AVEN: variants seen among roughly 807,000 people sequenced by gnomAD.
The protein encoded by AVEN is apoptosis and caspase activation inhibitor.
Under a neutral mutation model 38.1 loss-of-function variants are expected in AVEN, and 41 were observed. The ratio of observed to expected loss-of-function variants is 1.08; its 90% confidence interval spans 0.84 to 1.40. The LOEUF (loss-of-function observed/expected upper bound fraction) is 1.40. Among genes scored for constraint, AVEN ranks in the 40% most tolerant of loss-of-function variants. AVEN has a pLI of 0.00. For synonymous variants in AVEN, 206 were observed against 171.8 expected (o/e 1.20, Z -1.56); for missense variants, 605 against 438.8 (o/e 1.38, Z -3.38).
At position 34,038,968 on chromosome 15, in the gene AVEN, C is replaced by A. The variant is rs1899322257; in HGVS notation, c.79G>T (p.Glu27Ter). Reference sequence around the variant, plus strand: ...ACCGCCGCTGCGGCTCCGGGCCGCTCGCTGTGGCGATCTCCGCCAGGCCGG... The same window carrying A: ...ACCGCCGCTGCGGCTCCGGGCCGCTAGCTGTGGCGATCTCCGCCAGGCCGG... The part of the protein sequence containing the change: ...RGRPGGDRHS[E>*]RPGAAAAVAR... The change falls in exon 1 of 6, where the codon GAG becomes TAG. Residue 27 changes from glutamate (E) to a stop codon, truncating the protein, a stop_gained. Transcript: ENST00000306730. LOFTEE classifies it high-confidence loss of function. The A allele has an allele frequency of 1.8e-6, 2 of 1,110,180 alleles. No individual in the cohort carries two copies. The highest frequency in any genetic ancestry group is 2.2e-6 in the Non-Finnish European group (2 of 913,598). The allele number at this position is 1,110,180 out of a possible 1,614,324, so 68.8% of individuals were successfully genotyped here.
rs531727980 is a variant in AVEN at position 34,049,592 on chromosome 15, C to T, written n.1637+13330G>A. On this transcript the variant is annotated intron_variant and non_coding_transcript_variant, in intron 5 of 11. Transcript: ENST00000675287. ...CTGAAAGAGACAGGGAGAATGGAAC[C>T]GAGTTGGAAAACATACTTCAGGATA... Among the ~76,000 whole-genome samples, 4 of 152,140 alleles carry T rather than the reference C, an allele frequency of 2.6e-5. No homozygotes were observed. The East Asian group carries it at 5.8e-4, about 22-fold the overall frequency.
chr15:33,863,095 C>T (rs1889041228), downstream of AVEN, among the ~76,000 whole-genome samples: 1 of 152,192 alleles, frequency 6.6e-6, no homozygotes, highest in African/African-American at 2.4e-5. Flanking sequence ...GGAACCCCTT[C>T]TGTGCCTTCC....
At chr15:33,860,488 A>G in intron 11 of AVEN, 1 of 629,592 alleles carries the variant, frequency 1.6e-6, no homozygotes, top group Admixed American at 3.3e-5. Flanking sequence ...TTTTGCTTTG[A>G]TAATTCACTT....
intron 2 of AVEN, among the ~76,000 whole-genome samples, chr15:33,946,277 A>G (rs1894505227): frequency 6.6e-6 from 1 of 152,204 alleles, no homozygotes; most frequent in African/African-American, 2.4e-5. Context: ...GAACCTTAGA[A>G]AAACAGCCCA....
At chr15:34,017,497 T>TTTTTTTTTTTTTTTTTTG (rs1555516619) in intron 1 of AVEN, among the ~76,000 whole-genome samples, 1 of 133,364 alleles carries the variant, frequency 7.5e-6, no homozygotes, top group Non-Finnish European at 1.7e-5. Flanking sequence ...TTTTTTTTTT[T>TTTTTTTTTTTTTTTTTTG]TTTGAGACAG....
At chr15:33,861,876 C>T (rs1161884259), downstream of AVEN, among the ~76,000 whole-genome samples, 4 of 152,190 alleles carry the variant, frequency 2.6e-5, no homozygotes, top group South Asian at 4.2e-4. Context: ...CTGCCTGCCT[C>T]GGCCTCTCAG....
intron 11 of AVEN, chr15:33,860,514 A>G: frequency 1.2e-6 from 1 of 809,334 alleles, no homozygotes; most frequent in South Asian, 2.4e-5. Flanking sequence ...TTTTAACAGA[A>G]CAAAGTAGCT....
chr15:33,937,309 C>T (rs868186712), intron 2 of AVEN, among the ~76,000 whole-genome samples: 3 of 151,348 alleles, frequency 2.0e-5, no homozygotes, highest in African/African-American at 4.8e-5. Flanking sequence ...CCGAGGCGGG[C>T]GGATCATGAG....
In AVEN at chr15:33,890,479, G is replaced by A. The variant is rs117694649; in HGVS notation, c.446-14484C>T. ...CAACAAATGAACATCAGTAGTCTATGTGCCATAAAGGGGATAAGGAAACAG... is the reference window on the plus strand; with the variant it reads ...CAACAAATGAACATCAGTAGTCTATATGCCATAAAGGGGATAAGGAAACAG... On this transcript the variant is annotated intron_variant, in intron 2 of 5. Transcript: ENST00000306730. 5.9e-3 allele frequency among the ~76,000 whole-genome samples: 896 copies of A among 152,278 alleles called. 36 individuals carry two copies. In the South Asian group the frequency reaches 0.11, roughly 18 times the overall value.
chr15:33,987,369 G>A (rs918318338), intron 2 of AVEN, among the ~76,000 whole-genome samples: 1 of 152,140 alleles, frequency 6.6e-6, no homozygotes, highest in Non-Finnish European at 1.5e-5. Flanking sequence ...AAAGGGGAAG[G>A]GAAAGGGAAA....
chr15:33,903,403 C>T (rs1479691155), intron 2 of AVEN, among the ~76,000 whole-genome samples: 1 of 152,194 alleles, frequency 6.6e-6, no homozygotes, highest in Non-Finnish European at 1.5e-5. Flanking sequence ...TTTTTGAACA[C>T]AGTCCCTGGG....
chr15:34,048,603 T>G (rs1170941311), intron 5 of AVEN, among the ~76,000 whole-genome samples: 8 of 152,124 alleles, frequency 5.3e-5, no homozygotes, highest in African/African-American at 2.4e-5. Flanking sequence ...TACAGTTTGG[T>G]TGACTCAGCC....
chr15:33,944,667 G>C (rs2153054581), intron 2 of AVEN, among the ~76,000 whole-genome samples: 1 of 152,144 alleles, frequency 6.6e-6, no homozygotes, highest in Middle Eastern at 3.4e-3. Flanking sequence ...AAATTAGCCG[G>C]GCGTGGTGGC....
chr15:33,880,098 T>C (rs959155199), intron 2 of AVEN, among the ~76,000 whole-genome samples: 1 of 151,962 alleles, frequency 6.6e-6, no homozygotes, highest in African/African-American at 2.4e-5. Flanking sequence ...AATAAAACCC[T>C]CTTAACAAAC....
downstream of AVEN, among the ~76,000 whole-genome samples, chr15:33,863,187 G>A (rs764097003): frequency 6.6e-6 from 1 of 152,094 alleles, no homozygotes; most frequent in Non-Finnish European, 1.5e-5. Context: ...AATTTTATTC[G>A]TGTTTGAGCC....
intron 2 of AVEN, among the ~76,000 whole-genome samples, chr15:33,919,070 G>A (rs564029835): frequency 9.2e-5 from 14 of 151,748 alleles, no homozygotes; most frequent in African/African-American, 3.1e-4. Context: ...ACAGGCACCT[G>A]CCCATCACGC....
At chr15:33,865,465 T>C (rs1890191857), downstream of AVEN, 4 of 461,560 alleles carry the variant, frequency 8.7e-6, no homozygotes, top group Admixed American at 1.5e-4. Context: ...AATCAAGTAA[T>C]CTCTAGGCAA....
intron 2 of AVEN, among the ~76,000 whole-genome samples, chr15:33,985,342 G>A (rs2140542725): frequency 1.2e-5 from 1 of 80,488 alleles, no homozygotes; most frequent in Admixed American, 1.2e-4. Flanking sequence ...CATGCTGTGG[G>A]CTTTATTACA....
At chr15:34,017,680 A>T (rs945437300) in intron 1 of AVEN, among the ~76,000 whole-genome samples, 1 of 152,054 alleles carries the variant, frequency 6.6e-6, no homozygotes, top group African/African-American at 2.4e-5. Context: ...GGGTTTCACC[A>T]TGTTGGCCAG....
Sources: allele counts gnomAD v4.1 joint callset (sites outside exome capture counted in the v4.1 genomes callset), GRCh38; gene constraint gnomAD v4.1.1; transcripts MANE v1.5; gene names NCBI Gene and HGNC (gene_info 2026-07-23, HGNC 2026-07-21).